PCDHA11: variants seen among roughly 807,000 people sequenced by gnomAD.
PCDHA11 encodes protocadherin alpha-11.
A neutral mutation model predicts 70.3 loss-of-function variants in PCDHA11; 61 were observed. That is an observed-to-expected ratio of 0.87 (90% CI 0.71 to 1.07). The LOEUF is 1.07. Ranked by LOEUF, PCDHA11 falls within the 50% of genes least tolerant of loss-of-function variation. PCDHA11 has a pLI of 0.00. For synonymous variants in PCDHA11, 633 were observed against 555.1 expected (o/e 1.14, Z -1.97); for missense variants, 1,324 against 1,237.5 (o/e 1.07, Z -1.05).
At chr5:140,956,740 C>T in intron 1 of PCDHA11, among the ~76,000 whole-genome samples, 1 of 152,122 alleles carries the variant, frequency 6.6e-6, no homozygotes, top group East Asian at 1.9e-4. Context: ...CCTCTTTGTA[C>T]CTCTGATAGA....
Position 141,010,957 on chromosome 5 carries a change from C to CT in PCDHA11, c.*1021dup, listed in dbSNP as rs1342734442. The CT allele has an allele frequency of 6.5e-5, 10 of 153,858 alleles. No homozygotes were observed. Among genetic ancestry groups the CT allele is most frequent in the African/African-American group, 2.4e-4 (10 of 41,554 alleles). The allele number at this position is 153,858 out of a possible 1,614,324, so 9.5% of individuals were successfully genotyped here. A position where few individuals can be genotyped will look rare whatever the true frequency, so the allele number is the denominator to read the frequency against. On this transcript the variant is annotated 3_prime_UTR_variant, in exon 4 of 4. Coordinates refer to ENST00000398640, the MANE Select transcript of PCDHA11 (RefSeq NM_018902.5). ...ACAGCCATTTAAATGATCATTGCTG[C>CT]TACAGAAGTGCTTTAAGAGAATTGC...
At chr5:140,927,118 G>C in intron 1 of PCDHA11, 1 of 1,613,946 alleles carries the variant, frequency 6.2e-7, no homozygotes, top group Non-Finnish European at 8.5e-7. Context: ...CGGCAATTTG[G>C]TGGTCAGAGA....
intron 3 of PCDHA11, among the ~76,000 whole-genome samples, chr5:141,000,387 CTCTCTCTCTATATA>C (rs1446529556): frequency 4.5e-4 from 30 of 66,870 alleles, no homozygotes; most frequent in African/African-American, 1.4e-3. Flanking sequence ...CTCTCTCTCT[CTCTCTCTCTATATA>C]TATATATATA....
At chr5:140,991,563 C>T (rs577838155) in intron 3 of PCDHA11, among the ~76,000 whole-genome samples, 4 of 152,288 alleles carry the variant, frequency 2.6e-5, no homozygotes, top group South Asian at 4.1e-4. Context: ...CCTTTAGTTT[C>T]CAATAACAGG....
chr5:140,927,508 C>T lies in PCDHA11; in HGVS notation c.2392-51441C>T, dbSNP rs551245842. On this transcript the variant is annotated intron_variant, in intron 1 of 3. Coordinates refer to ENST00000398640, the MANE Select transcript of PCDHA11 (RefSeq NM_018902.5). The stretch of plus-strand genomic sequence containing the variant: ...CACCCACCTGCTGGTGCTTACAGCT[C>T]GGGACGGCGGGCTACCTGCCCGCTC... The T allele has an allele frequency of 9.9e-6, 16 of 1,614,074 alleles. No individual in the cohort carries two copies. In the South Asian group the frequency reaches 1.4e-4, roughly 14 times the overall value.
chr5:140,980,699 A>G (rs1183109723), intron 2 of PCDHA11, among the ~76,000 whole-genome samples: 1 of 152,186 alleles, frequency 6.6e-6, no homozygotes, highest in African/African-American at 2.4e-5. Flanking sequence ...AAAAAAGCCA[A>G]ATGTGCTCCT....
intron 1 of PCDHA11, among the ~76,000 whole-genome samples, chr5:140,942,396 A>G (rs1172739397): frequency 6.6e-6 from 1 of 151,922 alleles, no homozygotes; most frequent in Admixed American, 6.6e-5. Flanking sequence ...TGGGCGACAG[A>G]TGAGACTCTG....
chr5:140,891,602 T>G (rs1002471186), intron 1 of PCDHA11, among the ~76,000 whole-genome samples: 16 of 152,184 alleles, frequency 1.1e-4, no homozygotes, highest in Non-Finnish European at 1.8e-4. Context: ...TCCCATCTAT[T>G]TCTACCTTTT....
chr5:140,986,413 C>G (rs2097199513), intron 3 of PCDHA11, among the ~76,000 whole-genome samples: 1 of 152,156 alleles, frequency 6.6e-6, no homozygotes, highest in African/African-American at 2.4e-5. Context: ...TGTTACAGCT[C>G]TTTTTAACTT....
intron 3 of PCDHA11, among the ~76,000 whole-genome samples, chr5:140,985,802 C>T (rs567648207): frequency 1.1e-4 from 16 of 146,640 alleles, no homozygotes; most frequent in African/African-American, 3.3e-4. Flanking sequence ...TGCAGTGGCA[C>T]GATCTCAGCT....
chr5:140,876,960 G>A (rs781808609), intron 1 of PCDHA11: 4 of 1,613,122 alleles, frequency 2.5e-6, no homozygotes, highest in East Asian at 4.5e-5. Context: ...CGCTGGTGGA[G>A]CGGCGGGTGG....
At chr5:140,900,199 G>C (rs1383731759) in intron 1 of PCDHA11, among the ~76,000 whole-genome samples, 1 of 152,172 alleles carries the variant, frequency 6.6e-6, no homozygotes, top group Non-Finnish European at 1.5e-5. Context: ...ATGACATCCA[G>C]TTTCATCCAG....
rs1563376756 is a variant in PCDHA11, at chr5:140,968,306, C to G, written c.2392-10643C>G. 1.9e-6 allele frequency: 3 copies of G among 1,613,808 alleles called. No individual in the cohort carries two copies. The highest frequency in any genetic ancestry group is 2.5e-6 in the Non-Finnish European group (3 of 1,179,908). On this transcript the variant is annotated intron_variant, in intron 1 of 3. Transcript: ENST00000398640. ...CTACTCCCTTCTGGAGAGGGAGATT[C>G]AAGGGCTGCCAGTCACCTCCTATGT... is the stretch of plus-strand genomic sequence containing the variant.
At chr5:140,908,804 T>C (rs1157142483) in intron 1 of PCDHA11, among the ~76,000 whole-genome samples, 2 of 152,162 alleles carry the variant, frequency 1.3e-5, no homozygotes, top group African/African-American at 4.8e-5. Context: ...CATTAAAAAG[T>C]GAGAGCCTTT....
intron 1 of PCDHA11, among the ~76,000 whole-genome samples, chr5:140,899,690 C>T (rs1340913543): frequency 6.6e-6 from 1 of 152,156 alleles, no homozygotes; most frequent in Non-Finnish European, 1.5e-5. Flanking sequence ...TGATGCTGGC[C>T]TCATAAAATG....
rs372041974 is a variant in PCDHA11 at position 140,870,318 on chromosome 5, G to A, written c.1215G>A (p.Ser405=). 6.8e-6 allele frequency: 11 copies of A among 1,614,060 alleles called. No individual in the cohort carries two copies. The highest frequency in any genetic ancestry group is 4.0e-5 in the African/African-American group (3 of 74,922). Residue 405 remains serine, a synonymous_variant, in exon 1 of 4, where the codon TCG becomes TCA. Transcript: ENST00000398640. Reference sequence around the variant, plus strand: ...TGTCCACCTTCAAGAATTACTACTCGTTGGTGCTGGACAGCGCCCTGGACC... The same window carrying A: ...TGTCCACCTTCAAGAATTACTACTCATTGGTGCTGGACAGCGCCCTGGACC... ...KLVSTFKNYY[S]LVLDSALDRE... is the part of the protein sequence containing the mutation.
rs570399561 is a variant in PCDHA11, at chr5:140,943,988, C to T, written c.2392-34961C>T. ...GTTAAAGTAATTAAGAAAACAGAGA[C>T]AGAACTACTGAGTACCCCCCAAAAG... On this transcript the variant is annotated intron_variant, in intron 1 of 3. Transcript: ENST00000398640. 8.3e-4 allele frequency among the ~76,000 whole-genome samples: 126 copies of T among 152,216 alleles called. 3 individuals carry two copies. The Middle Eastern group carries it at 0.017, about 21-fold the overall frequency.
chr5:140,945,409 T>C (rs945280530), intron 1 of PCDHA11, among the ~76,000 whole-genome samples: 4 of 152,116 alleles, frequency 2.6e-5, no homozygotes, highest in African/African-American at 9.7e-5. Flanking sequence ...ACAATTCGTA[T>C]CAAAATTTCA....
intron 1 of PCDHA11, among the ~76,000 whole-genome samples, chr5:140,888,663 T>C (rs1278510364): frequency 6.6e-6 from 1 of 152,194 alleles, no homozygotes; most frequent in Non-Finnish European, 1.5e-5. Context: ...CACCACCTAA[T>C]GCCCTGTGCA....
Sources: allele counts gnomAD v4.1 joint callset (sites outside exome capture counted in the v4.1 genomes callset), GRCh38; gene constraint gnomAD v4.1.1; transcripts MANE v1.5; gene names NCBI Gene and HGNC (gene_info 2026-07-23, HGNC 2026-07-21).